Variants in MGMT observed in about 807,000 individuals in gnomAD.
MGMT encodes O-6-methylguanine-DNA methyltransferase.
A neutral mutation model predicts 15.9 loss-of-function variants in MGMT; 14 were observed. That is an observed-to-expected ratio of 0.88 (90% CI 0.58 to 1.37). The LOEUF is 1.37. Ranked by LOEUF, MGMT falls within the 40% of genes most tolerant of loss-of-function variation. The pLI is 0.00. For synonymous variants in MGMT, 130 were observed against 118.2 expected (o/e 1.10, Z -0.65); for missense variants, 282 against 268.1 (o/e 1.05, Z -0.36).
intron 1 of MGMT, among the ~76,000 whole-genome samples, chr10:129,529,527 C>T (rs560949379): frequency 1.3e-5 from 2 of 152,258 alleles, no homozygotes; most frequent in African/African-American, 2.4e-5. Context: ...CTCTGTGGCC[C>T]GTTTCCTAAC....
rs1281316713 is a variant in MGMT, at chr10:129,533,816, A to G, written c.-12-2425A>G. Among the ~76,000 whole-genome samples, 8 of 152,182 alleles carry G rather than the reference A, an allele frequency of 5.3e-5. No homozygotes were observed. The highest frequency in any genetic ancestry group is 1.2e-4 in the African/African-American group (5 of 41,446). On this transcript the variant is annotated intron_variant, in intron 1 of 4. Coordinates refer to ENST00000651593, the MANE Select transcript of MGMT (RefSeq NM_002412.5). This position sits in a 1 kb window ranked among gnomAD's most constrained non-coding sequence, Gnocchi z 4.5. ...GATGGTGGGAGATGTCTGCAGGCGC[A>G]GGGCGGAGGCTGTGGGCCAAGATTG...
chr10:129,755,008 A>G (rs531425733), intron 3 of MGMT, among the ~76,000 whole-genome samples: 1 of 152,358 alleles, frequency 6.6e-6, no homozygotes, highest in Admixed American at 6.5e-5. Flanking sequence ...GGCTGAGGAC[A>G]ACAGAGGGAT....
At chr10:129,578,233 C>T (rs780062560) in intron 2 of MGMT, among the ~76,000 whole-genome samples, 5 of 152,142 alleles carry the variant, frequency 3.3e-5, no homozygotes, top group African/African-American at 4.8e-5. Context: ...TACATGTACA[C>T]GTATGTTTAT....
At chr10:129,700,064 C>G (rs1848079358) in intron 2 of MGMT, 1 of 152,162 alleles carries the variant, frequency 6.6e-6, no homozygotes, top group African/African-American at 2.4e-5. Context: ...TTGAACACAT[C>G]TTGTTCTTGA....
At chr10:129,467,672 G>T (rs929233140) in intron 1 of MGMT, among the ~76,000 whole-genome samples, 6 of 152,214 alleles carry the variant, frequency 3.9e-5, no homozygotes, top group Non-Finnish European at 7.3e-5. Context: ...GCCCCTGCGC[G>T]GGCCTTGGCT....
Position 129,532,899 on chromosome 10 carries a change from G to A in MGMT, c.-12-3342G>A, listed in dbSNP as rs556839106. ...GCACTCCCCAGTCCGAATGTCTGCA[G>A]TGCAGCTTCAGGCGCTGATGTGGGC... On this transcript the variant is annotated intron_variant, in intron 1 of 4. Coordinates refer to ENST00000651593, the MANE Select transcript of MGMT (RefSeq NM_002412.5). This position sits in a 1 kb window ranked among gnomAD's most constrained non-coding sequence, Gnocchi z 5.3. 7.9e-5 allele frequency among the ~76,000 whole-genome samples: 12 copies of A among 152,346 alleles called. No homozygotes were observed. The highest frequency in any genetic ancestry group is 2.0e-4 in the Admixed American group (3 of 15,306).
intron 2 of MGMT, among the ~76,000 whole-genome samples, chr10:129,562,943 C>T (rs916504419): frequency 2.0e-5 from 3 of 152,174 alleles, no homozygotes; most frequent in Non-Finnish European, 4.4e-5. Flanking sequence ...AAGCAGCCTA[C>T]GTGCAGTAGA....
At chr10:129,754,361 G>A (rs1848781980) in intron 3 of MGMT, among the ~76,000 whole-genome samples, 1 of 152,114 alleles carries the variant, frequency 6.6e-6, no homozygotes, top group South Asian at 2.1e-4. Context: ...GGAAGACAGA[G>A]GTAAAGAGCA....
At chr10:129,562,157 A>G (rs1401839412) in intron 2 of MGMT, among the ~76,000 whole-genome samples, 3 of 152,322 alleles carry the variant, frequency 2.0e-5, no homozygotes, top group African/African-American at 4.8e-5. Context: ...AAAAAATTAT[A>G]TACCATTCAT....
At chr10:129,700,862 C>T (rs1247460558) in intron 2 of MGMT, 2 of 152,124 alleles carry the variant, frequency 1.3e-5, no homozygotes, top group African/African-American at 4.8e-5. Flanking sequence ...CTAAATGGGA[C>T]ATAATTGTGC....
intron 2 of MGMT, among the ~76,000 whole-genome samples, chr10:129,539,323 T>G (rs1369084687): frequency 6.6e-6 from 1 of 152,228 alleles, no homozygotes; most frequent in Admixed American, 6.5e-5. Context: ...TGTAGCTATT[T>G]AGTTGTTTTA....
intron 2 of MGMT, among the ~76,000 whole-genome samples, chr10:129,682,993 C>T (rs541143547): frequency 5.9e-5 from 9 of 152,222 alleles, no homozygotes; most frequent in South Asian, 2.1e-4. Flanking sequence ...GGATTATAGG[C>T]GCACGCCACC....
chr10:129,607,272 A>G (rs1476626509), intron 2 of MGMT, among the ~76,000 whole-genome samples: 2 of 152,084 alleles, frequency 1.3e-5, no homozygotes, highest in Non-Finnish European at 2.9e-5. Flanking sequence ...TATCCCGGGA[A>G]GAATTACCTG....
At chr10:129,496,261 C>T (rs928813756) in intron 1 of MGMT, among the ~76,000 whole-genome samples, 7 of 152,112 alleles carry the variant, frequency 4.6e-5, no homozygotes, top group South Asian at 4.1e-4. Context: ...GGATGGACTT[C>T]GTTCCATCCC....
intron 3 of MGMT, among the ~76,000 whole-genome samples, chr10:129,746,238 C>CAAAA (rs57022839): frequency 9.5e-6 from 1 of 104,882 alleles, no homozygotes; most frequent in Non-Finnish European, 2.0e-5. Context: ...GACTCTGTCT[C>CAAAA]AAAAAAAAAA....
intron 2 of MGMT, among the ~76,000 whole-genome samples, chr10:129,634,231 G>A (rs1005505367): frequency 6.6e-6 from 1 of 151,902 alleles, no homozygotes; most frequent in East Asian, 1.9e-4. Flanking sequence ...TCATCTTTTT[G>A]TGCCTCTGTG....
At chr10:129,528,960 C>T (rs1845899741) in intron 1 of MGMT, among the ~76,000 whole-genome samples, 1 of 152,150 alleles carries the variant, frequency 6.6e-6, no homozygotes, top group Admixed American at 6.5e-5. Flanking sequence ...GTAAGCAAAT[C>T]ACGTCACTGT....
intron 2 of MGMT, among the ~76,000 whole-genome samples, chr10:129,548,031 CAG>C (rs924208384): frequency 2.2e-4 from 34 of 152,230 alleles, no homozygotes; most frequent in Non-Finnish European, 4.6e-4. Flanking sequence ...ATTCTAGCCA[CAG>C]AGTTTTCTGC....
chr10:129,718,648 G>A (rs1420275369), intron 3 of MGMT, among the ~76,000 whole-genome samples: 3 of 152,242 alleles, frequency 2.0e-5, no homozygotes, highest in South Asian at 2.1e-4. Flanking sequence ...CTCCTGGTGA[G>A]TGTCACCTTC....
Sources: gnomAD v4.1 joint callset for allele counts (sites outside exome capture counted in the v4.1 genomes callset) on GRCh38, gnomAD v4.1.1 for gene constraint, Gnocchi (gnomAD v3.1) non-coding constraint, MANE v1.5 for transcripts, NCBI Gene and HGNC (gene_info 2026-07-23, HGNC 2026-07-21) for gene names.